The following LAMA3 variants were observed in gnomAD, a reference collection of about 807,000 sequenced individuals.
LAMA3 encodes laminin subunit alpha-3.
Under a neutral mutation model 402.0 loss-of-function variants are expected in LAMA3, and 281 were observed. The ratio of observed to expected loss-of-function variants is 0.70; its 90% CI spans 0.63 to 0.77. The LOEUF (loss-of-function observed/expected upper bound fraction) is 0.77. Ranked by LOEUF, LAMA3 falls within the 30% of genes least tolerant of loss-of-function variation. The probability of loss-of-function intolerance (pLI) is 0.00; values close to 1 mark genes in which losing one functional copy is unlikely to be tolerated. For missense variants in LAMA3, 3,840 were observed against 4,215.5 expected, an observed-to-expected ratio of 0.91 and a Z score of 2.47; for synonymous variants, 1,431 against 1,558.4, an observed-to-expected ratio of 0.92 and a Z score of 1.93.
At position 23,876,405 on chromosome 18, in the gene LAMA3, G is replaced by T. The variant is rs2144863220; in HGVS notation, c.5110G>T (p.Val1704Phe). The T allele has an allele frequency of 2.5e-6, 4 of 1,595,370 alleles. No homozygotes were observed. In the East Asian group the frequency reaches 6.7e-5, roughly 27 times the overall value. The change falls in exon 39 of 75, where the codon GTT (valine) becomes TTT (phenylalanine). Residue 1704 changes from valine to phenylalanine, a missense_variant and splice_region_variant. By Grantham distance (50) the Val-to-Phe change is conservative. This residue lies in a region of LAMA3 where 2,109 missense variants were observed against 2,376.0 expected (regional missense o/e 0.89). Coordinates refer to ENST00000313654, the MANE Select transcript of LAMA3 (RefSeq NM_198129.4). ...ATGCCAGGATGGCTCAGGCATATGT[G>T]TTGTGAGTAAATTGACACTTTAATG... The part of the protein sequence containing the change: ...NQCQDGSGIC[V>F]NCQHNTAGEH...
Position 23,824,450 on chromosome 18 carries a change from T to A in LAMA3, c.2456T>A (p.Phe819Tyr). 1.2e-6 allele frequency: 2 copies of A among 1,614,170 alleles called. No individual in the cohort carries two copies. The highest frequency in any genetic ancestry group is 1.7e-6 in the Non-Finnish European group (2 of 1,180,000). ...GCTGCTCAAAGCAAAGAGATCATCT[T>A]CCTGCCGAGTAAGGAGCCAGCCTTT... ...WGAAQSKEII[F>Y]LPSKEPAFVT... Residue 819 changes from phenylalanine to tyrosine, a missense_variant, in exon 21 of 75, where the codon TTC becomes TAC. Phe to Tyr is a conservative substitution (Grantham distance 22). Transcript: ENST00000313654.
intron 19 of LAMA3, 36 bp downstream of exon 19, chr18:23,820,033 T>C: frequency 6.2e-7 from 1 of 1,608,730 alleles, no homozygotes; most frequent in East Asian, 2.2e-5. Flanking sequence ...CATGGCTGAG[T>C]AGCTCAGATA....
At position 23,921,445 on chromosome 18, in the gene LAMA3, A is replaced by G; in HGVS notation, c.8044-7A>G. The G allele has an allele frequency of 2.5e-6, 4 of 1,612,250 alleles. No homozygotes were observed. The highest frequency in any genetic ancestry group is 3.4e-6 in the Non-Finnish European group (4 of 1,179,366). ...TGGCTTGCTGATTCATCTCTCATTT[A>G]TTTCAGATTCAGATCAAAATTGGAA... On this transcript the variant is annotated splice_region_variant and splice_polypyrimidine_tract_variant and intron_variant, in intron 61 of 74. Transcript: ENST00000313654.
At position 23,907,600 on chromosome 18, in the gene LAMA3, G is replaced by T; in HGVS notation, c.6769G>T (p.Val2257Phe). ...ACAGCAAACCCTGAATATTGTGACA[G>T]TTCAGAAAGAAGTGATAGACACCAA... ...NLQQTLNIVT[V>F]QKEVIDTNLT... The change falls in exon 53 of 75, where the codon GTT becomes TTT. Residue 2257 changes from valine to phenylalanine, a missense_variant. Physicochemically the swap from Val to Phe is conservative, Grantham distance 50. Coordinates refer to ENST00000313654, the MANE Select transcript of LAMA3 (RefSeq NM_198129.4). 1 of 1,614,088 alleles carries T rather than the reference G, an allele frequency of 6.2e-7. No homozygotes were observed. The highest frequency in any genetic ancestry group is 8.5e-7 in the Non-Finnish European group (1 of 1,179,934).
At chr18:23,844,850 A>G (rs975980667) in intron 29 of LAMA3, among the ~76,000 whole-genome samples, 159 bp from the exon 30 acceptor site, 3 of 152,230 alleles carry the variant, frequency 2.0e-5, no homozygotes, top group Non-Finnish European at 2.9e-5. Flanking sequence ...TCTTTTGAGC[A>G]TGATCTTTGA....
intron 68 of LAMA3, among the ~76,000 whole-genome samples, chr18:23,942,544 T>G (rs2082559442): frequency 6.6e-6 from 1 of 151,828 alleles, no homozygotes; most frequent in South Asian, 2.1e-4. Context: ...ATAGAACATG[T>G]AACCATCATG....
At position 23,918,960 on chromosome 18, in the gene LAMA3, A is replaced by G. The variant is rs1400245302; in HGVS notation, c.7924-1975A>G. On this transcript the variant is annotated intron_variant, in intron 60 of 74. Coordinates refer to ENST00000313654, the MANE Select transcript of LAMA3 (RefSeq NM_198129.4). This position sits in a 1 kb window ranked among gnomAD's most constrained non-coding sequence, Gnocchi z 4.1. ...AGCCAGCCTGAAGGATACATAGAGC[A>G]GAGAAGTCATCCAGCATCTTCAGGA... Among the ~76,000 whole-genome samples, 1 of 152,278 alleles carries G rather than the reference A, an allele frequency of 6.6e-6. No homozygotes were observed. The highest frequency in any genetic ancestry group is 2.4e-5 in the African/African-American group (1 of 41,478).
intron 47 of LAMA3, among the ~76,000 whole-genome samples, chr18:23,900,042 T>C (rs1416530661): frequency 6.9e-6 from 1 of 145,040 alleles, no homozygotes; most frequent in African/African-American, 2.5e-5. Context: ...AATAATTCTG[T>C]GCATGAAATG....
intron 50 of LAMA3, 63 bp from the exon 51 acceptor site, chr18:23,904,490 G>C (rs1303241430): frequency 1.5e-5 from 23 of 1,505,826 alleles, no homozygotes; most frequent in African/African-American, 2.8e-5. Context: ...GAAAGGTTTG[G>C]GGGGATGTCA....
At chr18:23,846,205 C>A in intron 30 of LAMA3, 92 bp from the exon 31 acceptor site, 2 of 1,219,818 alleles carry the variant, frequency 1.6e-6, no homozygotes, top group Non-Finnish European at 2.4e-6. Context: ...CCCACAGATG[C>A]TGCTGGGTGG....
At chr18:23,951,634 G>A (rs749129579) in intron 72 of LAMA3, 50 bp from the exon 73 acceptor site, 2 of 1,470,642 alleles carry the variant, frequency 1.4e-6, no homozygotes, top group South Asian at 2.3e-5. Context: ...GGGGAAGGTC[G>A]GCTCCACCTG....
intron 2 of LAMA3, among the ~76,000 whole-genome samples, chr18:23,736,141 A>G (rs921520343): frequency 6.6e-6 from 1 of 151,964 alleles, no homozygotes; most frequent in Non-Finnish European, 1.5e-5. Context: ...ATTTCTTAAG[A>G]GATGGCACAG....
chr18:23,916,495 C>A (rs577536145), intron 59 of LAMA3, 56 bp from the exon 60 acceptor site: 2 of 1,588,364 alleles, frequency 1.3e-6, no homozygotes, highest in East Asian at 2.2e-5. Flanking sequence ...AATAAGCACA[C>A]TGGCATGGTG....
Position 23,898,801 on chromosome 18 carries a change from A to G in LAMA3, c.5677A>G (p.Arg1893Gly). The G allele has an allele frequency of 6.2e-7, 1 of 1,612,952 alleles. No homozygotes were observed. The change falls in exon 45 of 75, where the codon AGA becomes GGA. Residue 1893 changes from arginine (R) to glycine (G), a missense_variant. Arg to Gly is a moderately radical substitution (Grantham distance 125, BLOSUM62 -2). Transcript: ENST00000313654. Reference protein sequence around the residue: ...NHGSKIEGLERELTDLNQEFE... With the variant: ...NHGSKIEGLEGELTDLNQEFE... The stretch of plus-strand genomic sequence containing the variant: ...TGGATCAAAAATAGAAGGCCTGGAA[A>G]GAGAACTGACTGATTTGAATCAAGA...
Position 23,749,518 on chromosome 18 carries a change from C to G in LAMA3, c.656C>G (p.Ser219Cys). 6.2e-7 allele frequency: 1 copy of G among 1,608,250 alleles called. No individual in the cohort carries two copies. Among genetic ancestry groups the G allele is most frequent in the South Asian group, 1.1e-5 (1 of 90,954 alleles). Residue 219 changes from serine (S) to cysteine (C), a missense_variant, in exon 4 of 75, where the codon TCC (serine) becomes TGC (cysteine). Physicochemically the swap from Ser to Cys is moderately radical, Grantham distance 112. Transcript: ENST00000313654. ...GATGTACTTTGTGTTACTGAATATTCCCGTATTGTACCTTTGGAAAATGGT... is the reference window on the plus strand; with the variant it reads ...GATGTACTTTGTGTTACTGAATATTGCCGTATTGTACCTTTGGAAAATGGT... The part of the protein sequence containing the change: ...DDDVLCVTEY[S>C]RIVPLENGEV...
In LAMA3 at chr18:23,721,592, C is replaced by T. The variant is rs190658617; in HGVS notation, c.447+7520C>T. On this transcript the variant is annotated intron_variant, in intron 2 of 74. Coordinates refer to ENST00000313654, the MANE Select transcript of LAMA3 (RefSeq NM_198129.4). ...ATCAGGGCTGCTCCTTTCCAAGAGC[C>T]AGTTTACCCAATATCTCTCTCGGTC... 4.6e-5 allele frequency among the ~76,000 whole-genome samples: 7 copies of T among 152,276 alleles called. No individual in the cohort carries two copies. In the East Asian group the frequency reaches 1.4e-3, roughly 29 times the overall value.
At chr18:23,697,915 T>C (rs2060713388) in intron 1 of LAMA3, among the ~76,000 whole-genome samples, 1 of 152,042 alleles carries the variant, frequency 6.6e-6, no homozygotes, top group Non-Finnish European at 1.5e-5. Context: ...GCCTCTCTCC[T>C]TAGCTTGTAG....
In LAMA3 at chr18:23,935,347, A is replaced by C. The variant is rs1484985410; in HGVS notation, c.8862+1412A>C. 3.9e-5 allele frequency among the ~76,000 whole-genome samples: 6 copies of C among 152,224 alleles called. 1 individual carries two copies. In the South Asian group the frequency reaches 1.0e-3, roughly 26 times the overall value. On this transcript the variant is annotated intron_variant, in intron 67 of 74. Coordinates refer to ENST00000313654, the MANE Select transcript of LAMA3 (RefSeq NM_198129.4). Reference sequence around the variant, plus strand: ...GAGTCTGCAGGACACCCAGGTGCAGAAATTTGGTGGGAGACTGTCAGGAGT... The same window carrying C: ...GAGTCTGCAGGACACCCAGGTGCAGCAATTTGGTGGGAGACTGTCAGGAGT...
intron 68 of LAMA3, among the ~76,000 whole-genome samples, chr18:23,942,089 T>C (rs1444102271): frequency 6.6e-6 from 1 of 152,226 alleles, no homozygotes; most frequent in Admixed American, 6.5e-5. Context: ...CTCACAGAAT[T>C]AAAAAGCAAA....
Sources: gnomAD v4.1 joint callset for allele counts (sites outside exome capture counted in the v4.1 genomes callset) on GRCh38, gnomAD v4.1.1 for gene constraint, gnomAD v4.1.1 regional missense constraint, Gnocchi (gnomAD v3.1) non-coding constraint, MANE v1.5 for transcripts, NCBI Gene and HGNC (gene_info 2026-07-23, HGNC 2026-07-21) for gene names.